TMEM232: variants seen among roughly 807,000 people sequenced by gnomAD.
TMEM232 encodes the protein transmembrane protein 232.
A neutral mutation model predicts 78.8 loss-of-function variants in TMEM232; 80 were observed. That is an observed-to-expected ratio of 1.01 (90% CI 0.85 to 1.22). TMEM232 has a LOEUF of 1.22. TMEM232 is among the 50% of genes most tolerant of loss of function. The probability of loss-of-function intolerance (pLI) is 0.00; values close to 1 mark genes in which losing one functional copy is unlikely to be tolerated. For synonymous variants in TMEM232, 297 were observed against 254.3 expected, an observed-to-expected ratio of 1.17 and a Z score of -1.60; for missense variants, 881 against 742.2, an observed-to-expected ratio of 1.19 and a Z score of -2.17.
chr5:110,530,952 C>G (rs1425092405), intron 11 of TMEM232, among the ~76,000 whole-genome samples: 1 of 152,142 alleles, frequency 6.6e-6, no homozygotes, highest in Non-Finnish European at 1.5e-5. Flanking sequence ...GCCTCTGAGC[C>G]TAAGCTAAGC....
intron 11 of TMEM232, among the ~76,000 whole-genome samples, chr5:110,557,894 G>A (rs1244428443): frequency 6.6e-6 from 1 of 152,128 alleles, no homozygotes; most frequent in Non-Finnish European, 1.5e-5. Context: ...CAGAGTTCTT[G>A]TACAGGTTCT....
chr5:110,473,150 A>T (rs1407392584), intron 12 of TMEM232, among the ~76,000 whole-genome samples: 1 of 151,950 alleles, frequency 6.6e-6, no homozygotes, highest in South Asian at 2.1e-4. Context: ...GTGTGAAGAG[A>T]CAACCTGTCG....
chr5:110,655,662 T>C (rs1453453461), intron 2 of TMEM232, among the ~76,000 whole-genome samples: 1 of 150,280 alleles, frequency 6.7e-6, no homozygotes, highest in Non-Finnish European at 1.5e-5. Context: ...AACCCAAATG[T>C]CCAACAATGA....
At chr5:110,495,072 A>C in intron 12 of TMEM232, among the ~76,000 whole-genome samples, 1 of 151,512 alleles carries the variant, frequency 6.6e-6, no homozygotes, top group Middle Eastern at 3.4e-3. Context: ...AGTATTTGTT[A>C]TTTTAATTAA....
intron 10 of TMEM232, among the ~76,000 whole-genome samples, chr5:110,580,598 A>G (rs1778090185): frequency 6.6e-6 from 1 of 151,730 alleles, no homozygotes; most frequent in Non-Finnish European, 1.5e-5. Context: ...ATACAGCAAT[A>G]CAATAATAGT....
At chr5:110,429,772 T>G (rs983138007) in intron 12 of TMEM232, 13 of 151,820 alleles carry the variant, frequency 8.6e-5, no homozygotes, top group African/African-American at 2.9e-4. Context: ...CTGGTTGGTA[T>G]GGCTTTTCTC....
At chr5:110,645,940 T>C (rs927297916) in intron 2 of TMEM232, among the ~76,000 whole-genome samples, 29 of 151,364 alleles carry the variant, frequency 1.9e-4, no homozygotes, top group African/African-American at 6.8e-4. Flanking sequence ...AAATAGGAAA[T>C]GGAGAAAACA....
At chr5:110,528,264 ATG>A (rs1312115261) in intron 12 of TMEM232, among the ~76,000 whole-genome samples, 6 of 151,958 alleles carry the variant, frequency 3.9e-5, no homozygotes, top group African/African-American at 1.2e-4. Flanking sequence ...ATGTATATAT[ATG>A]TATGTATATA....
intron 1 of TMEM232, among the ~76,000 whole-genome samples, chr5:110,696,561 C>G (rs186167981): frequency 3.7e-4 from 57 of 152,312 alleles, no homozygotes; most frequent in African/African-American, 1.3e-3. Context: ...ACCCCATAGT[C>G]TCAGCCCAAA....
chr5:110,599,095 A>C (rs1780556642), intron 10 of TMEM232, among the ~76,000 whole-genome samples: 1 of 152,284 alleles, frequency 6.6e-6, no homozygotes, highest in East Asian at 1.9e-4. Context: ...AGGAGAAATA[A>C]AATCCTTTAG....
intron 12 of TMEM232, among the ~76,000 whole-genome samples, chr5:110,518,465 G>A (rs1769018468): frequency 6.6e-6 from 1 of 151,862 alleles, no homozygotes; most frequent in African/African-American, 2.4e-5. Context: ...CATTTTCATT[G>A]TATCTTGATT....
chr5:110,438,186 G>A (rs1283668272), intron 12 of TMEM232, among the ~76,000 whole-genome samples: 2 of 118,988 alleles, frequency 1.7e-5, no homozygotes, highest in African/African-American at 1.3e-4. Context: ...AGTATTTTGA[G>A]TAAATTCAAC....
intron 2 of TMEM232, among the ~76,000 whole-genome samples, chr5:110,398,148 A>T (rs1160450142): frequency 1.3e-5 from 2 of 152,188 alleles, no homozygotes; most frequent in Non-Finnish European, 2.9e-5. Flanking sequence ...TATTGCAAGG[A>T]CATGACAGTT....
At position 110,555,258 on chromosome 5, in the gene TMEM232, T is replaced by C. The variant is rs149362491; in HGVS notation, c.1455+13189A>G. On this transcript the variant is annotated intron_variant, in intron 11 of 13. Transcript: ENST00000455884. ...AAAAATTTATTGATATCTGCTTTAA[T>C]TTCATTGTTCACCCAAAAATCATTT... 6.5e-3 allele frequency among the ~76,000 whole-genome samples: 988 copies of C among 152,314 alleles called. 21 individuals are homozygous for C. Among genetic ancestry groups the C allele is most frequent in the African/African-American group, 0.022 (914 of 41,578 alleles).
chr5:110,435,087 G>A (rs1758276071), intron 12 of TMEM232, among the ~76,000 whole-genome samples: 3 of 151,846 alleles, frequency 2.0e-5, no homozygotes, highest in Admixed American at 2.0e-4. Flanking sequence ...AATCAGGCAA[G>A]AGAAAGAAAT....
intron 7 of TMEM232, among the ~76,000 whole-genome samples, chr5:110,620,889 G>A (rs1206961613): frequency 8.4e-6 from 1 of 118,896 alleles, no homozygotes; most frequent in African/African-American, 3.6e-5. Context: ...TTGAGACAGA[G>A]TCTTGTTCTG....
chr5:110,460,676 T>C (rs961047478), intron 12 of TMEM232, among the ~76,000 whole-genome samples: 8 of 152,130 alleles, frequency 5.3e-5, no homozygotes, highest in Non-Finnish European at 1.0e-4. Flanking sequence ...TTTTCTTTTT[T>C]TTTTTTTTAC....
intron 12 of TMEM232, among the ~76,000 whole-genome samples, chr5:110,466,465 C>CTAAT (rs1446833645): frequency 4.6e-5 from 7 of 152,120 alleles, no homozygotes; most frequent in African/African-American, 1.4e-4. Context: ...TAGTCATCTC[C>CTAAT]TAATTGTGAA....
intron 12 of TMEM232, among the ~76,000 whole-genome samples, chr5:110,518,349 T>A (rs1431732554): frequency 6.6e-6 from 1 of 152,150 alleles, no homozygotes; most frequent in Non-Finnish European, 1.5e-5. Context: ...CACTTCAATA[T>A]CCTCTCTGTG....
Sources: gnomAD v4.1 joint callset for allele counts (sites outside exome capture counted in the v4.1 genomes callset) on GRCh38, gnomAD v4.1.1 for gene constraint, MANE v1.5 for transcripts, NCBI Gene and HGNC (gene_info 2026-07-23, HGNC 2026-07-21) for gene names.